The following MAP3K5 variants were observed in gnomAD, a reference collection of about 807,000 sequenced individuals.
MAP3K5 encodes mitogen-activated protein kinase kinase kinase 5.
Under a neutral mutation model 158.7 loss-of-function variants are expected in MAP3K5, and 56 were observed. That is an observed-to-expected ratio of 0.35 (90% CI 0.28 to 0.44). The LOEUF (loss-of-function observed/expected upper bound fraction) is 0.44. Ranked by LOEUF, MAP3K5 falls within the 20% of genes least tolerant of loss-of-function variation. The pLI is 1.00. For missense variants in MAP3K5, 1,294 were observed against 1,674.8 expected (o/e 0.77, Z 3.97); for synonymous variants, 579 against 601.7 (o/e 0.96, Z 0.55).
At chr6:136,659,532 T>C (rs1261970716) in intron 8 of MAP3K5, among the ~76,000 whole-genome samples, 154 bp from the exon 9 acceptor site, 1 of 152,208 alleles carries the variant, frequency 6.6e-6, no homozygotes, top group African/African-American at 2.4e-5. Context: ...CAGTTCACTG[T>C]AAAAATAAGT....
chr6:136,622,940 T>C lies in MAP3K5; in HGVS notation c.2058A>G (p.Leu686=). 1 of 1,203,876 alleles carries C rather than the reference T, an allele frequency of 8.3e-7. No homozygotes were observed. The highest frequency in any genetic ancestry group is 1.2e-6 in the Non-Finnish European group (1 of 832,316). The allele number at this position is 1,203,876 out of a possible 1,614,324, so 74.6% of individuals were successfully genotyped here. The change falls in exon 15 of 30, where the codon TTA becomes TTG. Residue 686 remains leucine, a synonymous_variant. Transcript: ENST00000359015. ...AGACTATCCCATAAGTGCCTTTTCC[T>C]AAAACGACTCTGTCACCATTTTCAT... The part of the protein sequence containing the change: ...EYDENGDRVV[L]GKGTYGIVYA...
At chr6:136,588,453 C>T (rs1583228304) in intron 23 of MAP3K5, among the ~76,000 whole-genome samples, 1 of 152,264 alleles carries the variant, frequency 6.6e-6, no homozygotes. Context: ...ATACTAAGAA[C>T]AGTAACTGGC....
intron 8 of MAP3K5, 150 bp downstream of exon 8, chr6:136,669,133 C>A: frequency 1.6e-6 from 1 of 642,956 alleles, no homozygotes. Context: ...TATGAAACAC[C>A]AAACAAGGAG....
chr6:136,748,791 T>G (rs541000237), intron 1 of MAP3K5, among the ~76,000 whole-genome samples: 1 of 152,306 alleles, frequency 6.6e-6, no homozygotes, highest in Admixed American at 6.5e-5. Flanking sequence ...TTCTAAGAAA[T>G]GAGTGTAAAA....
intron 1 of MAP3K5, among the ~76,000 whole-genome samples, chr6:136,773,152 CAT>C (rs944325299): frequency 1.3e-5 from 2 of 152,188 alleles, no homozygotes; most frequent in Non-Finnish European, 2.9e-5. Flanking sequence ...TTGCCTTCCA[CAT>C]TCCCATGGAA....
At chr6:136,663,542 T>C (rs1340038030) in intron 8 of MAP3K5, among the ~76,000 whole-genome samples, 2 of 151,886 alleles carry the variant, frequency 1.3e-5, no homozygotes, top group Non-Finnish European at 2.9e-5. Flanking sequence ...AGTTTTTTTT[T>C]CCAAACCAGA....
rs1380393199 is a variant in MAP3K5, at chr6:136,567,750, A to C, written c.3642T>G (p.Ile1214Met). 3.1e-6 allele frequency: 5 copies of C among 1,613,994 alleles called. No individual in the cohort carries two copies. Among genetic ancestry groups the C allele is most frequent in the Non-Finnish European group, 4.2e-6 (5 of 1,180,024 alleles). ...CGCCTGAGGTAGCCACAGCATCTTC[A>C]ATGACAGCCTGAGGTCTTCGGACAG... ...NQTVRRPQAV[I>M]EDAVATSGVS... The change falls in exon 26 of 30, where the codon ATT (isoleucine) becomes ATG (methionine). Residue 1214 changes from isoleucine (I) to methionine (M), a missense_variant. Transcript: ENST00000359015.
At chr6:136,616,094 C>T (rs1229904961) in intron 15 of MAP3K5, among the ~76,000 whole-genome samples, 5 of 151,866 alleles carry the variant, frequency 3.3e-5, no homozygotes, top group Admixed American at 2.0e-4. Flanking sequence ...ATGAAGGGCA[C>T]GTATTAAAAT....
intron 1 of MAP3K5, among the ~76,000 whole-genome samples, chr6:136,729,602 T>C (rs1326516896): frequency 1.3e-5 from 2 of 152,218 alleles, no homozygotes; most frequent in Admixed American, 6.5e-5. Flanking sequence ...AGAAATGATA[T>C]TGAAGGCAAA....
At chr6:136,764,526 C>A (rs557470929) in intron 1 of MAP3K5, among the ~76,000 whole-genome samples, 6 of 152,298 alleles carry the variant, frequency 3.9e-5, no homozygotes, top group African/African-American at 1.4e-4. Flanking sequence ...CTTTGTCAAA[C>A]CCCCAGATGG....
At chr6:136,725,715 A>G (rs529684932) in intron 1 of MAP3K5, among the ~76,000 whole-genome samples, 1 of 152,336 alleles carries the variant, frequency 6.6e-6, no homozygotes, top group East Asian at 1.9e-4. Flanking sequence ...CAGTTCATCA[A>G]CTTTTTATTT....
intron 2 of MAP3K5, among the ~76,000 whole-genome samples, chr6:136,710,971 C>T (rs1293872573): frequency 6.6e-6 from 1 of 152,122 alleles, no homozygotes; most frequent in African/African-American, 2.4e-5. Flanking sequence ...ATCAGATGGG[C>T]TGTCTGGGCC....
At chr6:136,574,995 C>T (rs1562516834) in intron 25 of MAP3K5, among the ~76,000 whole-genome samples, 1 of 150,888 alleles carries the variant, frequency 6.6e-6, no homozygotes. Context: ...GGCCTAAACA[C>T]TTTTTTTTTA....
chr6:136,606,462 C>G (rs748958866), intron 18 of MAP3K5, among the ~76,000 whole-genome samples: 20 of 152,074 alleles, frequency 1.3e-4, no homozygotes, highest in Non-Finnish European at 2.6e-4. Context: ...GTGGAGGGGG[C>G]CACGAGCCCT....
intron 25 of MAP3K5, among the ~76,000 whole-genome samples, chr6:136,579,439 A>C (rs1410186691): frequency 6.6e-6 from 1 of 152,230 alleles, no homozygotes; most frequent in African/African-American, 2.4e-5. Context: ...AGTGATTTCC[A>C]AACTTGGCTA....
intron 8 of MAP3K5, among the ~76,000 whole-genome samples, chr6:136,664,069 G>T (rs1458864553): frequency 6.6e-6 from 1 of 152,180 alleles, no homozygotes; most frequent in Non-Finnish European, 1.5e-5. Context: ...CACGGGAGGT[G>T]AGTAGCAGGC....
At chr6:136,725,621 A>C (rs1266395665) in intron 1 of MAP3K5, among the ~76,000 whole-genome samples, 4 of 152,178 alleles carry the variant, frequency 2.6e-5, no homozygotes, top group Non-Finnish European at 5.9e-5. Context: ...TCAGATATGC[A>C]ATTTGCAGAT....
At position 136,697,344 on chromosome 6, in the gene MAP3K5, G is replaced by A. The variant is rs776825581; in HGVS notation, c.850C>T (p.Arg284Cys). The part of the protein sequence containing the change: ...ESILNDIRKA[R>C]NLYTGKELAA... Reference sequence around the variant, plus strand: ...AATTCTTTACCAGTGTATAAATTACGAGCTTTCCTGATGTCATTGAGTATA... The same window carrying A: ...AATTCTTTACCAGTGTATAAATTACAAGCTTTCCTGATGTCATTGAGTATA... The change falls in exon 5 of 30, where the codon CGT becomes TGT. Residue 284 changes from arginine (R) to cysteine (C), a missense_variant. Physicochemically the swap from Arg to Cys is radical, Grantham distance 180. Coordinates refer to ENST00000359015, the MANE Select transcript of MAP3K5 (RefSeq NM_005923.4). The A allele has an allele frequency of 2.7e-5, 44 of 1,613,218 alleles. No individual in the cohort carries two copies. Among genetic ancestry groups the A allele is most frequent in the African/African-American group, 8.0e-5 (6 of 74,856 alleles).
chr6:136,583,683 T>C lies in MAP3K5; in HGVS notation c.3283A>G (p.Arg1095Gly). The change falls in exon 24 of 30, where the codon AGA (arginine) becomes GGA (glycine). Residue 1095 changes from arginine to glycine, a missense_variant. Transcript: ENST00000359015. ...CGGTCAGTGGATCTCACAAATTCTC[T>C]GAGGCTTGCAATGAGGGTTGTGATG... ...EHITTLIASLREFVRSTDRKI... is the reference protein window; with the variant it reads ...EHITTLIASLGEFVRSTDRKI... 3.1e-6 allele frequency: 5 copies of C among 1,614,252 alleles called. No homozygotes were observed. The highest frequency in any genetic ancestry group is 4.2e-6 in the Non-Finnish European group (5 of 1,180,040).
Sources: allele counts gnomAD v4.1 joint callset (sites outside exome capture counted in the v4.1 genomes callset), GRCh38; gene constraint gnomAD v4.1.1; transcripts MANE v1.5; gene names NCBI Gene and HGNC (gene_info 2026-07-23, HGNC 2026-07-21).